RIPOR3: variants seen among roughly 807,000 people sequenced by gnomAD.
RIPOR3 encodes the protein family with sequence similarity 65 member C.
RIPOR3 carries 95 observed loss-of-function variants against 114.3 expected under a neutral mutation model. The observed-to-expected ratio is 0.83, with a 90% confidence interval of 0.70 to 0.99. RIPOR3 has a LOEUF of 0.99. Among genes scored for constraint, RIPOR3 ranks in the 50% least tolerant of loss-of-function variants. RIPOR3 has a pLI of 0.00. For synonymous variants in RIPOR3, 575 were observed against 543.8 expected, an observed-to-expected ratio of 1.06 and a Z score of -0.80; for missense variants, 1,252 against 1,266.9, an observed-to-expected ratio of 0.99 and a Z score of 0.18.
intron 1 of RIPOR3, among the ~76,000 whole-genome samples, chr20:50,671,405 C>A (rs1021401803): frequency 7.4e-6 from 1 of 136,050 alleles, no homozygotes; most frequent in South Asian, 2.5e-4. Context: ...CTCACATGAG[C>A]ACGCGCGCGT....
chr20:50,658,815 G>A (rs976181080), intron 1 of RIPOR3, among the ~76,000 whole-genome samples: 3 of 152,110 alleles, frequency 2.0e-5, no homozygotes, highest in Admixed American at 6.6e-5. Flanking sequence ...GATGAAACAC[G>A]TTCCTAGAGT....
chr20:50,594,559 C>G lies in RIPOR3; in HGVS notation c.2206G>C (p.Glu736Gln). 1 of 1,613,488 alleles carries G rather than the reference C, an allele frequency of 6.2e-7. No individual in the cohort carries two copies. The highest frequency in any genetic ancestry group is 1.1e-5 in the South Asian group (1 of 91,030). Residue 736 changes from glutamate (E) to glutamine (Q), a missense_variant, in exon 17 of 22, where the codon GAA becomes CAA. Transcript: ENST00000327979. ...RVRGKYPGQL[E>Q]IACRRLLEQV... ...AGGACAGAAGGGAACCCACCTATTT[C>G]CAGCTGTCCTGGGTACTTCCCTCTG...
chr20:50,602,485 G>C lies in RIPOR3; in HGVS notation c.1246C>G (p.Arg416Gly). The C allele has an allele frequency of 2.6e-6, 4 of 1,561,116 alleles. No individual in the cohort carries two copies. Among genetic ancestry groups the C allele is most frequent in the Non-Finnish European group, 3.5e-6 (4 of 1,150,754 alleles). ...EMDSFSSEDP[R>G]DTETSTSAST... ...GCCGACGTGCTGGTCTCCGTGTCTC[G>C]GGGGTCCTCAGAGCTGAAGGAGTCC... Residue 416 changes from arginine (R) to glycine (G), a missense_variant, in exon 13 of 22, where the codon CGA (arginine) becomes GGA (glycine). By Grantham distance (125) the Arg-to-Gly change is moderately radical. Coordinates refer to ENST00000327979, the MANE Select transcript of RIPOR3 (RefSeq NM_001290268.2). The surrounding 1 kb of genome is among the most constrained non-coding windows in gnomAD (Gnocchi z 4.3).
At chr20:50,609,387 T>G (rs1234158709) in intron 7 of RIPOR3, 31 bp from the exon 8 acceptor site, 4 of 1,608,868 alleles carry the variant, frequency 2.5e-6, no homozygotes, top group Non-Finnish European at 3.4e-6. Flanking sequence ...CTCAGCTGGC[T>G]GCCTGGGGCT....
chr20:50,651,782 G>A (rs904608641), intron 1 of RIPOR3, among the ~76,000 whole-genome samples: 23 of 152,174 alleles, frequency 1.5e-4, no homozygotes, highest in African/African-American at 5.1e-4. Flanking sequence ...CATTAGAAAC[G>A]AGCTGAGAAC....
intron 1 of RIPOR3, among the ~76,000 whole-genome samples, chr20:50,666,186 T>TCTTTC (rs2086194853): frequency 2.2e-5 from 2 of 91,484 alleles, no homozygotes; most frequent in Admixed American, 1.2e-4. Flanking sequence ...GACACCCATT[T>TCTTTC]CTTTTCTTTT....
At chr20:50,628,497 C>T (rs1024495528) in intron 2 of RIPOR3, among the ~76,000 whole-genome samples, 6 of 152,120 alleles carry the variant, frequency 3.9e-5, no homozygotes, top group Non-Finnish European at 8.8e-5. Flanking sequence ...GAAGGCTTCC[C>T]GGCCCACCCC....
chr20:50,687,219 G>A (rs182728752), intron 1 of RIPOR3, among the ~76,000 whole-genome samples: 522 of 152,346 alleles, frequency 3.4e-3, no homozygotes, highest in Non-Finnish European at 4.2e-3. Flanking sequence ...GTGCATACCA[G>A]GGCCTGTGTC....
intron 1 of RIPOR3, among the ~76,000 whole-genome samples, chr20:50,671,626 T>C (rs2086498961): frequency 1.3e-5 from 2 of 152,200 alleles, no homozygotes; most frequent in East Asian, 3.8e-4. Context: ...GTTCTTAACC[T>C]GTATGTGTGT....
At chr20:50,670,051 G>A (rs1273570992) in intron 1 of RIPOR3, among the ~76,000 whole-genome samples, 1 of 151,536 alleles carries the variant, frequency 6.6e-6, no homozygotes, top group African/African-American at 2.4e-5. Context: ...CAGCTACTCA[G>A]GAGGCCGAAG....
At position 50,602,072 on chromosome 20, in the gene RIPOR3, CTT is replaced by C. The variant is rs1457942134; in HGVS notation, c.1657_1658del (p.Lys553AlafsTer33). 1.3e-6 allele frequency: 2 copies of C among 1,551,244 alleles called. No homozygotes were observed. The highest frequency in any genetic ancestry group is 2.4e-5 in the South Asian group (2 of 83,508). On this transcript the variant is annotated frameshift_variant and splice_region_variant, in exon 13 of 22. Coordinates refer to ENST00000327979, the MANE Select transcript of RIPOR3 (RefSeq NM_001290268.2). LOFTEE classifies it high-confidence loss of function. The surrounding 1 kb of genome is among the most constrained non-coding windows in gnomAD (Gnocchi z 4.3). Reference protein sequence around the residue: ...YQVLGFRDRLKPCRARQEHTS... With the variant: ...YQVLGFRDRLXPCRARQEHTS... The stretch of plus-strand genomic sequence containing the variant: ...ACCGCCCGGGGCGGGGTGGCCATAC[CTT>C]CAGCCGGTCCCGGAAGCCGAGGACC...
At position 50,594,662 on chromosome 20, in the gene RIPOR3, G is replaced by A. The variant is rs1436765703; in HGVS notation, c.2103C>T (p.Cys701=). Residue 701 remains cysteine, a synonymous_variant, in exon 17 of 22, where the codon TGC becomes TGT. Coordinates refer to ENST00000327979, the MANE Select transcript of RIPOR3 (RefSeq NM_001290268.2). ...AGGACAGGACCCTGCCAGGCCCTGT[G>A]CACCCTCTCCACAGCTTCAGGCACC... is the stretch of plus-strand genomic sequence containing the variant. ...TKGCLKLWRG[C]TGPGRVLSCP... 6.2e-7 allele frequency: 1 copy of A among 1,613,720 alleles called. No homozygotes were observed. Among genetic ancestry groups the A allele is most frequent in the Non-Finnish European group, 8.5e-7 (1 of 1,179,904 alleles).
chr20:50,646,794 C>G (rs1407253465), intron 1 of RIPOR3, among the ~76,000 whole-genome samples: 1 of 152,192 alleles, frequency 6.6e-6, no homozygotes. Context: ...ATATTCCAGG[C>G]AGACACTAAA....
chr20:50,593,661 T>C (rs1568818950), intron 17 of RIPOR3, among the ~76,000 whole-genome samples: 1 of 151,206 alleles, frequency 6.6e-6, no homozygotes, highest in African/African-American at 2.4e-5. Flanking sequence ...CCAGCTAGAG[T>C]CAGGACTGTG....
chr20:50,636,337 G>T (rs1469899087), intron 1 of RIPOR3, among the ~76,000 whole-genome samples: 1 of 152,172 alleles, frequency 6.6e-6, no homozygotes. Context: ...GCAGGGTCTT[G>T]AAGACCCTGT....
At chr20:50,611,279 G>T (rs1568857781) in intron 4 of RIPOR3, 75 bp from the exon 5 acceptor site, 26 of 1,596,692 alleles carry the variant, frequency 1.6e-5, no homozygotes, top group Non-Finnish European at 1.7e-5. Flanking sequence ...GAGGCTCTAT[G>T]CTGGCGGCGC....
At chr20:50,633,421 G>C (rs561740627) in intron 1 of RIPOR3, among the ~76,000 whole-genome samples, 50 of 152,312 alleles carry the variant, frequency 3.3e-4, no homozygotes, top group Admixed American at 2.9e-3. Flanking sequence ...TCTGTCTGCT[G>C]GTTGTTAAAC....
chr20:50,686,009 A>C (rs180906343), intron 1 of RIPOR3, among the ~76,000 whole-genome samples: 1 of 152,192 alleles, frequency 6.6e-6, no homozygotes, highest in African/African-American at 2.4e-5. Flanking sequence ...ACAAAGAAAA[A>C]AATAGGAATG....
intron 1 of RIPOR3, among the ~76,000 whole-genome samples, chr20:50,690,192 C>T (rs919989219): frequency 3.3e-5 from 5 of 152,234 alleles, no homozygotes; most frequent in South Asian, 4.1e-4. Flanking sequence ...AAACACTGCA[C>T]GGGCCCAGAG....
Sources: allele counts gnomAD v4.1 joint callset (sites outside exome capture counted in the v4.1 genomes callset), GRCh38; gene constraint gnomAD v4.1.1; non-coding constraint Gnocchi (gnomAD v3.1); transcripts MANE v1.5; gene names NCBI Gene and HGNC (gene_info 2026-07-23, HGNC 2026-07-21).